The following DMTN variants were observed in gnomAD, a reference collection of about 807,000 sequenced individuals.
The protein encoded by DMTN is dematin actin binding protein, also known as dematin.
A neutral mutation model predicts 59.4 loss-of-function variants in DMTN; 27 were observed. That is an observed-to-expected ratio of 0.45 (90% CI 0.33 to 0.63). DMTN has a LOEUF of 0.63. DMTN is among the 20% of genes least tolerant of loss of function. DMTN has a pLI of 0.02. For missense variants in DMTN, 451 were observed against 528.9 expected (o/e 0.85, Z 1.45); for synonymous variants, 221 against 203.7 (o/e 1.08, Z -0.72).
At chr8:22,078,200 AACAAAAAT>A (rs1205231838) in intron 10 of DMTN, among the ~76,000 whole-genome samples, 2 of 151,802 alleles carry the variant, frequency 1.3e-5, no homozygotes, top group South Asian at 2.1e-4. Flanking sequence ...CCCTGTCTCT[AACAAAAAT>A]ACAAAAATTA....
At chr8:22,067,468 G>A in intron 3 of DMTN, 59 bp from the exon 4 acceptor site, 2 of 1,599,038 alleles carry the variant, frequency 1.3e-6, no homozygotes, top group Admixed American at 1.7e-5. Flanking sequence ...TAGCTAGCAG[G>A]GCCAGTGTCC....
chr8:22,075,048 A>G (rs1248598170), intron 10 of DMTN, among the ~76,000 whole-genome samples: 2 of 151,890 alleles, frequency 1.3e-5, no homozygotes, highest in Admixed American at 6.6e-5. Flanking sequence ...TTAGCCAGGC[A>G]TGGTGGCGCA....
chr8:22,080,752 C>T, intron 13 of DMTN, 53 bp from the exon 14 acceptor site: 1 of 1,592,858 alleles, frequency 6.3e-7, no homozygotes, highest in Non-Finnish European at 8.5e-7. Context: ...CGGGGTAAGG[C>T]TGGGAAGGTC....
chr8:22,079,273 A>ATATAT (rs1554562329), intron 10 of DMTN, among the ~76,000 whole-genome samples: 718 of 28,410 alleles, frequency 0.025, 13 homozygotes, highest in African/African-American at 0.065. Context: ...TAAATAAATA[A>ATATAT]ATAAATATAT....
At position 22,058,131 on chromosome 8, in the gene DMTN, G is replaced by T. The variant is rs556438199; in HGVS notation, c.-172+995G>T. Reference sequence around the variant, plus strand: ...GGCATGAGCTGGCACACAGGGCTTCGGAGTCTCCCCGCGTGCATGCGTCCT... The same window carrying T: ...GGCATGAGCTGGCACACAGGGCTTCTGAGTCTCCCCGCGTGCATGCGTCCT... On this transcript the variant is annotated intron_variant, in intron 1 of 15. Transcript: ENST00000358242. This position sits in a 1 kb window ranked among gnomAD's most constrained non-coding sequence, Gnocchi z 4.3. 6.6e-6 allele frequency among the ~76,000 whole-genome samples: 1 copy of T among 152,140 alleles called. No homozygotes were observed. Among genetic ancestry groups the T allele is most frequent in the Non-Finnish European group, 1.5e-5 (1 of 68,014 alleles).
upstream of DMTN, among the ~76,000 whole-genome samples, chr8:22,054,321 G>T (rs935369509): frequency 6.6e-6 from 1 of 151,500 alleles, no homozygotes; most frequent in Non-Finnish European, 1.5e-5. Context: ...ACTCAGGCAT[G>T]GTGGGGGACA....
chr8:22,072,209 T>A (rs1186489169), intron 8 of DMTN, 117 bp from the exon 9 acceptor site: 2 of 1,321,392 alleles, frequency 1.5e-6, no homozygotes, highest in African/African-American at 1.5e-5. Flanking sequence ...TTTAAAAAAA[T>A]TTTGTAGTGG....
At chr8:22,066,663 C>G (rs1810895187) in intron 1 of DMTN, 42 bp from the exon 2 acceptor site, 1 of 418,108 alleles carries the variant, frequency 2.4e-6, no homozygotes, top group Admixed American at 4.8e-5. Flanking sequence ...GCCCCGCAGC[C>G]TAACGCCGCC....
upstream of DMTN, among the ~76,000 whole-genome samples, chr8:22,051,252 C>T (rs1051174814): frequency 6.6e-6 from 1 of 152,142 alleles, no homozygotes; most frequent in Non-Finnish European, 1.5e-5. Context: ...TTGGGATTAC[C>T]AAGAACTCTC....
Position 22,080,217 on chromosome 8 carries a change from C to A in DMTN, c.873C>A (p.Pro291=). Residue 291 remains proline, a synonymous_variant, in exon 11 of 16, where the codon CCC becomes CCA. Transcript: ENST00000358242. ...GAACGTCTAAATCTTCCTCTCTCCCCGCCTATGGCAGGACCACCCTGAGCC... is the reference window on the plus strand; with the variant it reads ...GAACGTCTAAATCTTCCTCTCTCCCAGCCTATGGCAGGACCACCCTGAGCC... ...HQGTSKSSSL[P]AYGRTTLSRL... 2 of 1,614,242 alleles carry A rather than the reference C, an allele frequency of 1.2e-6. No homozygotes were observed. Among genetic ancestry groups the A allele is most frequent in the Admixed American group, 1.7e-5 (1 of 60,028 alleles).
intron 5 of DMTN, 32 bp from the exon 6 acceptor site, chr8:22,069,387 G>A (rs1159661077): frequency 1.3e-6 from 2 of 1,587,860 alleles, no homozygotes; most frequent in East Asian, 2.3e-5. Context: ...AGGGGGTTAG[G>A]GGCCCTGGAG....
intron 6 of DMTN, 128 bp downstream of exon 6, chr8:22,069,646 GC>G: frequency 1.1e-6 from 1 of 919,092 alleles, no homozygotes; most frequent in Non-Finnish European, 1.6e-6. Flanking sequence ...GCCCCAGGAG[GC>G]CAGGACCCCT....
intron 3 of DMTN, 64 bp downstream of exon 3, chr8:22,067,223 G>A (rs1367919229): frequency 1.3e-6 from 2 of 1,552,060 alleles, no homozygotes; most frequent in Non-Finnish European, 1.8e-6. Flanking sequence ...GGGACCCCTG[G>A]CTGCTAGCGT....
At chr8:22,053,158 G>T (rs1801532355), upstream of DMTN, among the ~76,000 whole-genome samples, 1 of 152,230 alleles carries the variant, frequency 6.6e-6, no homozygotes, top group Non-Finnish European at 1.5e-5. Flanking sequence ...CCGTCTACTT[G>T]GCTGGAGCTG....
chr8:22,072,263 A>AT, intron 8 of DMTN, 63 bp from the exon 9 acceptor site: 1 of 1,537,740 alleles, frequency 6.5e-7, no homozygotes. Flanking sequence ...AGGCTGTGCC[A>AT]TGTAAACACA....
intron 2 of DMTN, 63 bp downstream of exon 2, chr8:22,066,956 G>A: frequency 4.0e-6 from 5 of 1,245,178 alleles, no homozygotes; most frequent in Non-Finnish European, 5.0e-6. Context: ...GGGAGTCCAG[G>A]GCGCCACCTG....
chr8:22,067,561 A>T lies in DMTN; in HGVS notation c.128A>T (p.Asp43Val). The T allele has an allele frequency of 6.2e-7, 1 of 1,614,076 alleles. No homozygotes were observed. Among genetic ancestry groups the T allele is most frequent in the Non-Finnish European group, 8.5e-7 (1 of 1,180,000 alleles). ...GACAATCAGGTGCTGGGCTACAAGGACCTGGCTGCCATCCCCAAGGACAAG... is the reference window on the plus strand; with the variant it reads ...GACAATCAGGTGCTGGGCTACAAGGTCCTGGCTGCCATCCCCAAGGACAAG... ...KMDNQVLGYKDLAAIPKDKAI... is the reference protein window; with the variant it reads ...KMDNQVLGYKVLAAIPKDKAI... Residue 43 changes from aspartate (D) to valine (V), a missense_variant, in exon 4 of 16, where the codon GAC becomes GTC. By Grantham distance (152) the Asp-to-Val change is radical. Transcript: ENST00000358242.
intron 9 of DMTN, among the ~76,000 whole-genome samples, chr8:22,072,765 A>G (rs948092215): frequency 6.6e-6 from 1 of 151,670 alleles, no homozygotes. Flanking sequence ...GTGAGCCACT[A>G]TGCCCAGCCC....
intron 12 of DMTN, 75 bp from the exon 13 acceptor site, chr8:22,080,543 G>A: frequency 1.9e-6 from 3 of 1,613,914 alleles, no homozygotes; most frequent in Non-Finnish European, 2.5e-6. Flanking sequence ...CTGTGGGCAG[G>A]GGTCTGGTGA....
Sources: allele counts gnomAD v4.1 joint callset (sites outside exome capture counted in the v4.1 genomes callset), GRCh38; gene constraint gnomAD v4.1.1; non-coding constraint Gnocchi (gnomAD v3.1); transcripts MANE v1.5; gene names NCBI Gene and HGNC (gene_info 2026-07-23, HGNC 2026-07-21).